FXYD7: variants seen among roughly 807,000 people sequenced by gnomAD.
FXYD7 encodes the protein FXYD domain containing ion transport regulator 7.
In FXYD7, 7 loss-of-function variants were observed where a neutral mutation model predicts 15.3. The observed-to-expected ratio is 0.46, with a 90% CI of 0.26 to 0.86. The LOEUF is 0.86. FXYD7 is among the 40% of genes least tolerant of loss of function. The probability of loss-of-function intolerance (pLI) is 0.16; values close to 1 mark genes in which losing one functional copy is unlikely to be tolerated. For missense variants in FXYD7, 78 were observed against 100.6 expected (o/e 0.78, Z 0.96); for synonymous variants, 39 against 39.3 (o/e 0.99, Z 0.03).
intron 5 of FXYD7, among the ~76,000 whole-genome samples, chr19:35,152,055 C>T (rs2065312645): frequency 6.9e-6 from 1 of 144,614 alleles, no homozygotes; most frequent in Admixed American, 7.4e-5. Flanking sequence ...AAGAGAATCA[C>T]CTGAACCTGG....
chr19:35,153,038 T>G lies in FXYD7; in HGVS notation c.221-856T>G, dbSNP rs1268444826. Among the ~76,000 whole-genome samples, 50 of 108,964 alleles carry G rather than the reference T, an allele frequency of 4.6e-4. 5 individuals are homozygous for G. The highest frequency in any genetic ancestry group is 1.6e-3 in the South Asian group (4 of 2,564). 71.5% of individuals were successfully genotyped at this position (108,964 alleles called of 152,430 possible). The stretch of plus-strand genomic sequence containing the variant: ...GTGGAATTTGTTTCACGTTCCTTTT[T>G]TTTTTTTTTTTTTTTTTTTTTTTTG... On this transcript the variant is annotated intron_variant, in intron 5 of 5. Coordinates refer to ENST00000270310, the MANE Select transcript of FXYD7 (RefSeq NM_022006.2).
rs2065277903 is a variant in FXYD7 at position 35,143,618 on chromosome 19, G to A, written c.31+254G>A. 6.6e-6 allele frequency among the ~76,000 whole-genome samples: 1 copy of A among 152,206 alleles called. No individual in the cohort carries two copies. The highest frequency in any genetic ancestry group is 1.5e-5 in the Non-Finnish European group (1 of 68,044). ...GGCAGTCCCGGGAGAAGGGATGCTCGGACAGGTCGCTATGGCAACCGGGTG... is the reference window on the plus strand; with the variant it reads ...GGCAGTCCCGGGAGAAGGGATGCTCAGACAGGTCGCTATGGCAACCGGGTG... On this transcript the variant is annotated intron_variant, in intron 1 of 5. Transcript: ENST00000270310. This position sits in a 1 kb window ranked among gnomAD's most constrained non-coding sequence, Gnocchi z 4.3.
intron 1 of FXYD7, among the ~76,000 whole-genome samples, chr19:35,144,189 T>G (rs2065280136): frequency 6.6e-6 from 1 of 151,300 alleles, no homozygotes; most frequent in South Asian, 2.1e-4. Context: ...CCATGTGGGG[T>G]GGGGCCCAAA....
chr19:35,148,106 A>G (rs566739094), intron 1 of FXYD7, among the ~76,000 whole-genome samples: 2 of 140,652 alleles, frequency 1.4e-5, no homozygotes, highest in South Asian at 2.6e-4. Flanking sequence ...AGAGAGAGAA[A>G]GAAAGAGGGG....
At chr19:35,151,359 G>A (rs752935986) in intron 3 of FXYD7, 31 bp downstream of exon 3, 2 of 1,596,584 alleles carry the variant, frequency 1.3e-6, no homozygotes, top group South Asian at 1.1e-5. Context: ...GGCTGCCTCA[G>A]CCTCCGCTTC....
At chr19:35,150,354 C>T (rs889213734) in intron 2 of FXYD7, among the ~76,000 whole-genome samples, 27 of 152,066 alleles carry the variant, frequency 1.8e-4, no homozygotes, top group Admixed American at 4.6e-4. Context: ...GCCATGATTG[C>T]ACCACTGCAC....
At chr19:35,152,585 A>G (rs1388262844) in intron 5 of FXYD7, among the ~76,000 whole-genome samples, 1 of 152,086 alleles carries the variant, frequency 6.6e-6, no homozygotes, top group Non-Finnish European at 1.5e-5. Context: ...TATGGGATGC[A>G]GGGAATGTGA....
At chr19:35,153,553 CAG>C (rs1384596542) in intron 5 of FXYD7, among the ~76,000 whole-genome samples, 2 of 152,004 alleles carry the variant, frequency 1.3e-5, no homozygotes, top group African/African-American at 4.8e-5. Context: ...ATGTTCAGGA[CAG>C]GGAGTGTAGG....
intron 5 of FXYD7, among the ~76,000 whole-genome samples, 181 bp from the exon 6 acceptor site, chr19:35,153,713 G>A (rs558912839): frequency 1.5e-3 from 223 of 152,266 alleles, no homozygotes; most frequent in African/African-American, 5.2e-3. Context: ...CAGCCAGGAG[G>A]TGTCCCCAAG....
chr19:35,147,188 C>A (rs931580463), intron 1 of FXYD7, among the ~76,000 whole-genome samples: 1 of 152,178 alleles, frequency 6.6e-6, no homozygotes, highest in East Asian at 1.9e-4. Context: ...AATGCCCCAG[C>A]CTGGAAGTGA....
At chr19:35,144,566 G>A (rs1450196738) in intron 1 of FXYD7, among the ~76,000 whole-genome samples, 1 of 151,850 alleles carries the variant, frequency 6.6e-6, no homozygotes, top group South Asian at 2.1e-4. Context: ...CCACTTGGAT[G>A]GCTCCCTCCC....
intron 1 of FXYD7, among the ~76,000 whole-genome samples, chr19:35,145,818 C>T (rs978399363): frequency 7.2e-5 from 11 of 152,174 alleles, no homozygotes; most frequent in African/African-American, 2.4e-4. Flanking sequence ...CACTCTGTCG[C>T]CTAGGCTGGA....
intron 1 of FXYD7, among the ~76,000 whole-genome samples, chr19:35,148,451 T>A (rs1053229880): frequency 2.0e-5 from 3 of 152,158 alleles, no homozygotes; most frequent in Non-Finnish European, 4.4e-5. Context: ...TTGAGAAGAT[T>A]GTACACTGCA....
chr19:35,152,134 CAAAAAAAAAA>C (rs71167517), intron 5 of FXYD7, among the ~76,000 whole-genome samples: 2 of 45,138 alleles, frequency 4.4e-5, no homozygotes, highest in African/African-American at 8.7e-5. Context: ...GTGAGACTGT[CAAAAAAAAAA>C]AAAAAAAAAA....
Position 35,143,661 on chromosome 19 carries a change from G to T in FXYD7, c.31+297G>T, listed in dbSNP as rs144802919. Among the ~76,000 whole-genome samples, 1,438 of 152,304 alleles carry T rather than the reference G, an allele frequency of 9.4e-3. 21 individuals are homozygous for T. Among genetic ancestry groups the T allele is most frequent in the African/African-American group, 0.033 (1,375 of 41,562 alleles). Reference sequence around the variant, plus strand: ...ACCGGGTGGCTGGTCCCGCACCGTGGTGGTAGCAGACGGGGAAGAGATGAG... The same window carrying T: ...ACCGGGTGGCTGGTCCCGCACCGTGTTGGTAGCAGACGGGGAAGAGATGAG... On this transcript the variant is annotated intron_variant, in intron 1 of 5. Transcript: ENST00000270310. This position sits in a 1 kb window ranked among gnomAD's most constrained non-coding sequence, Gnocchi z 4.3.
rs2065278171 is a variant in FXYD7 at position 35,143,663 on chromosome 19, G to A, written c.31+299G>A. ...CGGGTGGCTGGTCCCGCACCGTGGT[G>A]GTAGCAGACGGGGAAGAGATGAGCT... is the stretch of plus-strand genomic sequence containing the variant. On this transcript the variant is annotated intron_variant, in intron 1 of 5. Transcript: ENST00000270310. This position sits in a 1 kb window ranked among gnomAD's most constrained non-coding sequence, Gnocchi z 4.3. Among the ~76,000 whole-genome samples the A allele has an allele frequency of 6.6e-6, 1 of 152,204 alleles. No individual in the cohort carries two copies. Among genetic ancestry groups the A allele is most frequent in the Non-Finnish European group, 1.5e-5 (1 of 68,046 alleles).
chr19:35,151,161 G>T, intron 2 of FXYD7, 93 bp from the exon 3 acceptor site: 1 of 823,780 alleles, frequency 1.2e-6, no homozygotes, highest in East Asian at 2.4e-5. Flanking sequence ...GGGCGATTCT[G>T]GGTTCCTGGC....
intron 2 of FXYD7, chr19:35,149,130 T>A: frequency 4.4e-6 from 2 of 449,662 alleles, no homozygotes; most frequent in South Asian, 1.6e-5. Context: ...TAGTAATAGT[T>A]CCCACCTATG....
At chr19:35,152,124 G>A (rs1412298857) in intron 5 of FXYD7, among the ~76,000 whole-genome samples, 1 of 62,596 alleles carries the variant, frequency 1.6e-5, no homozygotes, top group Non-Finnish European at 2.8e-5. Flanking sequence ...GGGTGATAGA[G>A]TGAGACTGTC....
Sources: gnomAD v4.1 joint callset for allele counts (sites outside exome capture counted in the v4.1 genomes callset) on GRCh38, gnomAD v4.1.1 for gene constraint, Gnocchi (gnomAD v3.1) non-coding constraint, MANE v1.5 for transcripts, NCBI Gene and HGNC (gene_info 2026-07-23, HGNC 2026-07-21) for gene names.